Variants in SDK1 observed in about 807,000 individuals in gnomAD.
SDK1 encodes the protein protein sidekick-1.
A neutral mutation model predicts 245.5 loss-of-function variants in SDK1; 157 were observed. The observed-to-expected ratio is 0.64, with a 90% CI of 0.56 to 0.73. The LOEUF (loss-of-function observed/expected upper bound fraction) is 0.73. Ranked by LOEUF, SDK1 falls within the 30% of genes least tolerant of loss-of-function variation. SDK1 has a pLI of 0.00. For missense variants in SDK1, 3,583 were observed against 3,002.3 expected (o/e 1.19, Z -4.52); for synonymous variants, 1,647 against 1,278.5 (o/e 1.29, Z -6.15).
rs1001117274 is a variant in SDK1, at chr7:3,521,636, C to T, written c.299-97444C>T. Among the ~76,000 whole-genome samples the T allele has an allele frequency of 1.1e-4, 17 of 152,252 alleles. 1 individual carries two copies. Among genetic ancestry groups the T allele is most frequent in the Admixed American group, 8.5e-4 (13 of 15,290 alleles). On this transcript the variant is annotated intron_variant, in intron 1 of 44. Coordinates refer to ENST00000404826, the MANE Select transcript of SDK1 (RefSeq NM_152744.4). ...TATAGAGGAGGAAGCACGTGAATTT[C>T]GCCCTTGAAGACTACTGTGGATTCG...
At chr7:4,077,684 A>G (rs1217234200) in intron 21 of SDK1, among the ~76,000 whole-genome samples, 2 of 152,170 alleles carry the variant, frequency 1.3e-5, no homozygotes, top group African/African-American at 4.8e-5. Context: ...GCAGCAGGCA[A>G]AGAGAGAGCC....
At chr7:3,823,125 A>T (rs1013964750) in intron 5 of SDK1, among the ~76,000 whole-genome samples, 1 of 152,236 alleles carries the variant, frequency 6.6e-6, no homozygotes, top group African/African-American at 2.4e-5. Flanking sequence ...AACCCAGTGC[A>T]TGCTGTACTG....
At chr7:4,154,878 C>A (rs1454733207) in intron 30 of SDK1, among the ~76,000 whole-genome samples, 1 of 152,076 alleles carries the variant, frequency 6.6e-6, no homozygotes, top group African/African-American at 2.4e-5. Flanking sequence ...GGTGTTCTTG[C>A]ATCCTGTGTG....
At chr7:3,519,330 A>G (rs1480653386) in intron 1 of SDK1, among the ~76,000 whole-genome samples, 1 of 152,160 alleles carries the variant, frequency 6.6e-6, no homozygotes, top group Non-Finnish European at 1.5e-5. Flanking sequence ...ATGATGAATT[A>G]TGCTAATTAC....
chr7:3,971,699 C>T (rs6965800), intron 12 of SDK1, 131 bp downstream of exon 12: 242,588 of 701,110 alleles, frequency 0.35, 46,581 homozygotes, highest in African/African-American at 0.67. Flanking sequence ...ACGGTATCTT[C>T]TGGTTGTGGG....
chr7:3,672,771 A>ATATATATG (rs1783751655), intron 4 of SDK1, among the ~76,000 whole-genome samples: 1 of 90,828 alleles, frequency 1.1e-5, no homozygotes, highest in Non-Finnish European at 2.3e-5. Flanking sequence ...ATATATATAT[A>ATATATATG]TATATATATA....
chr7:4,267,736 C>T lies in SDK1; in HGVS notation c.*2352C>T, dbSNP rs1157230246. 1 of 985,368 alleles carries T rather than the reference C, an allele frequency of 1.0e-6. No homozygotes were observed. The allele number at this position is 985,368 out of a possible 1,614,324, so 61.0% of individuals were successfully genotyped here. A position where few individuals can be genotyped will look rare whatever the true frequency, so the allele number is the denominator to read the frequency against. Reference sequence around the variant, plus strand: ...GGGTTTTCGATACAACATCATGACACTTCTGTTTCAAGCTCATGTTTTCCG... The same window carrying T: ...GGGTTTTCGATACAACATCATGACATTTCTGTTTCAAGCTCATGTTTTCCG... On this transcript the variant is annotated 3_prime_UTR_variant, in exon 45 of 45. Coordinates refer to ENST00000404826, the MANE Select transcript of SDK1 (RefSeq NM_152744.4).
chr7:3,943,867 G>A lies in SDK1; in HGVS notation c.848-7056G>A, dbSNP rs551130826. ...ATTAGGCTTCATTTCCCTCTGCTGC[G>A]TGTTCTTTATTCCTGTAACTACAAA... On this transcript the variant is annotated intron_variant, in intron 5 of 44. Coordinates refer to ENST00000404826, the MANE Select transcript of SDK1 (RefSeq NM_152744.4). Among the ~76,000 whole-genome samples, 24 of 152,246 alleles carry A rather than the reference G, an allele frequency of 1.6e-4. No homozygotes were observed. In the South Asian group the frequency reaches 3.9e-3, roughly 25 times the overall value.
chr7:4,078,079 G>A (rs1282923053), intron 21 of SDK1, among the ~76,000 whole-genome samples: 4 of 152,198 alleles, frequency 2.6e-5, no homozygotes, highest in South Asian at 2.1e-4. Flanking sequence ...CGCACACTAC[G>A]TCTGGAGCCA....
rs1778866010 is a variant in SDK1 at position 4,051,742 on chromosome 7, T to C, written c.2823T>C (p.Phe941=). 2.5e-6 allele frequency: 4 copies of C among 1,614,024 alleles called. No individual in the cohort carries two copies. Among genetic ancestry groups the C allele is most frequent in the Non-Finnish European group, 3.4e-6 (4 of 1,179,962 alleles). The change falls in exon 19 of 45, where the codon TTT becomes TTC. Residue 941 remains phenylalanine (F), a synonymous_variant. Transcript: ENST00000404826. The part of the protein sequence containing the change: ...HHGHITNLKK[F]TAYFTSVLCF... Reference sequence around the variant, plus strand: ...GACACATAACGAACCTGAAGAAGTTTACCGCCTACTTCACTTCCGTTCTGT... The same window carrying C: ...GACACATAACGAACCTGAAGAAGTTCACCGCCTACTTCACTTCCGTTCTGT...
chr7:3,716,725 C>G (rs76252333), intron 4 of SDK1, among the ~76,000 whole-genome samples: 1 of 149,248 alleles, frequency 6.7e-6, no homozygotes, highest in African/African-American at 2.5e-5. Flanking sequence ...CGCCATTGCA[C>G]TTCAGCCTGG....
intron 5 of SDK1, 102 bp downstream of exon 5, chr7:3,821,685 C>G (rs947039897): frequency 1.3e-5 from 17 of 1,294,482 alleles, no homozygotes; most frequent in Non-Finnish European, 1.8e-5. Context: ...TTTTCTCTCT[C>G]TAGTGTAGTA....
At chr7:3,644,858 A>G (rs1782777918) in intron 4 of SDK1, among the ~76,000 whole-genome samples, 1 of 151,126 alleles carries the variant, frequency 6.6e-6, no homozygotes, top group African/African-American at 2.4e-5. Context: ...TAAATATTCT[A>G]GAAGTTTCCA....
intron 1 of SDK1, among the ~76,000 whole-genome samples, chr7:3,413,398 A>G (rs1435598431): frequency 6.6e-6 from 1 of 152,178 alleles, no homozygotes; most frequent in Non-Finnish European, 1.5e-5. Flanking sequence ...TTTACTTGTT[A>G]AAAAGATAAC....
At chr7:3,746,864 C>A (rs1046858770) in intron 4 of SDK1, among the ~76,000 whole-genome samples, 1 of 152,198 alleles carries the variant, frequency 6.6e-6, no homozygotes, top group Non-Finnish European at 1.5e-5. Flanking sequence ...GATATTTTGA[C>A]CTCCTCTCAT....
At chr7:3,716,360 G>A (rs1404586751) in intron 4 of SDK1, among the ~76,000 whole-genome samples, 3 of 152,120 alleles carry the variant, frequency 2.0e-5, no homozygotes, top group Non-Finnish European at 4.4e-5. Context: ...AAACTTCTGT[G>A]TTGAAAATAA....
chr7:3,366,638 G>A (rs906441701), intron 1 of SDK1, among the ~76,000 whole-genome samples: 102 of 152,218 alleles, frequency 6.7e-4, no homozygotes, highest in African/African-American at 2.4e-3. Flanking sequence ...GGGGATAGTT[G>A]AACATCTTTA....
At chr7:3,342,274 T>G (rs1175098863) in intron 1 of SDK1, among the ~76,000 whole-genome samples, 1 of 152,138 alleles carries the variant, frequency 6.6e-6, no homozygotes, top group Non-Finnish European at 1.5e-5. Flanking sequence ...AAATGTAAAA[T>G]TGTAAAACTC....
At position 3,397,466 on chromosome 7, in the gene SDK1, C is replaced by T. The variant is rs143341328; in HGVS notation, c.298+95582C>T. Among the ~76,000 whole-genome samples, 680 of 138,258 alleles carry T rather than the reference C, an allele frequency of 4.9e-3. 8 individuals are homozygous for T. The highest frequency in any genetic ancestry group is 0.021 in the African/African-American group (640 of 30,810). The allele number at this position is 138,258 out of a possible 152,430, so 90.7% of individuals were successfully genotyped here. On this transcript the variant is annotated intron_variant, in intron 1 of 44. Transcript: ENST00000404826. ...TTTGCTGGATATATAATTTTTGGTTCGTAGTCTTTTCTTTCCCCCCCCCAG... is the reference window on the plus strand; with the variant it reads ...TTTGCTGGATATATAATTTTTGGTTTGTAGTCTTTTCTTTCCCCCCCCCAG...
Sources: allele counts gnomAD v4.1 joint callset (sites outside exome capture counted in the v4.1 genomes callset), GRCh38; gene constraint gnomAD v4.1.1; transcripts MANE v1.5; gene names NCBI Gene and HGNC (gene_info 2026-07-23, HGNC 2026-07-21).